The following ABAT variants were observed in gnomAD, a reference collection of about 807,000 sequenced individuals.
ABAT encodes 4-aminobutyrate aminotransferase, mitochondrial.
Under a neutral mutation model 64.6 loss-of-function variants are expected in ABAT, and 45 were observed. That is an observed-to-expected ratio of 0.70 (90% CI 0.55 to 0.89). ABAT has a LOEUF of 0.89. Among genes scored for constraint, ABAT ranks in the 40% least tolerant of loss-of-function variants. The probability of loss-of-function intolerance (pLI) is 0.00; values close to 1 mark genes in which losing one functional copy is unlikely to be tolerated. For synonymous variants in ABAT, 297 were observed against 250.5 expected, an observed-to-expected ratio of 1.19 and a Z score of -1.75; for missense variants, 633 against 658.4, an observed-to-expected ratio of 0.96 and a Z score of 0.42.
At chr16:8,746,235 C>T in intron 3 of ABAT, 137 bp downstream of exon 3, 1 of 742,486 alleles carries the variant, frequency 1.3e-6, no homozygotes, top group Non-Finnish European at 2.3e-6. Context: ...ATCTGAGATA[C>T]TCAATGAGGC....
intron 1 of ABAT, among the ~76,000 whole-genome samples, chr16:8,727,862 A>C (rs916866986): frequency 1.3e-5 from 2 of 152,176 alleles, no homozygotes; most frequent in African/African-American, 2.4e-5. Flanking sequence ...TGAGCTCAAG[A>C]GTTTGAGACC....
intron 1 of ABAT, among the ~76,000 whole-genome samples, chr16:8,676,189 G>A (rs1201626536): frequency 6.6e-6 from 1 of 152,152 alleles, no homozygotes; most frequent in East Asian, 1.9e-4. Flanking sequence ...AAAGAGGTTA[G>A]CCACGGGGAG....
At chr16:8,748,452 G>T (rs189892603) in intron 4 of ABAT, among the ~76,000 whole-genome samples, 1 of 152,038 alleles carries the variant, frequency 6.6e-6, no homozygotes, top group Non-Finnish European at 1.5e-5. Flanking sequence ...ATGGCCTAGC[G>T]TATGGTCTAG....
chr16:8,685,243 G>A lies in ABAT; in HGVS notation c.-42+10532G>A, dbSNP rs534240160. Among the ~76,000 whole-genome samples, 54 of 151,686 alleles carry A rather than the reference G, an allele frequency of 3.6e-4. 1 individual carries two copies. The South Asian group carries it at 0.011, about 31-fold the overall frequency. On this transcript the variant is annotated intron_variant, in intron 1 of 15. Transcript: ENST00000268251. ...GGAGGTTGCAGTGAGCCAGGATCAC[G>A]CCATTGCACTCCAGCTTGAGCAATG...
At chr16:8,702,846 C>G (rs1007296998) in intron 1 of ABAT, among the ~76,000 whole-genome samples, 2 of 152,008 alleles carry the variant, frequency 1.3e-5, no homozygotes, top group African/African-American at 2.4e-5. Flanking sequence ...GACCACAGCC[C>G]ATGAGAGGAG....
At chr16:8,754,179 TAAAAAAAAAAA>T (rs750745519) in intron 5 of ABAT, among the ~76,000 whole-genome samples, 11 of 63,822 alleles carry the variant, frequency 1.7e-4, no homozygotes, top group East Asian at 5.8e-4. Flanking sequence ...ACCCTGTCTA[TAAAAAAAAAAA>T]AAAAAAAAAA....
At chr16:8,699,807 C>G (rs1455346763) in intron 1 of ABAT, among the ~76,000 whole-genome samples, 1 of 151,644 alleles carries the variant, frequency 6.6e-6, no homozygotes, top group Non-Finnish European at 1.5e-5. Flanking sequence ...CTCTTCTCTT[C>G]TCTTCTCTCT....
At chr16:8,770,166 C>G (rs1433270162) in intron 11 of ABAT, among the ~76,000 whole-genome samples, 1 of 152,178 alleles carries the variant, frequency 6.6e-6, no homozygotes, top group East Asian at 1.9e-4. Flanking sequence ...GAGATGGAGT[C>G]TAGCTCTGTT....
intron 1 of ABAT, among the ~76,000 whole-genome samples, chr16:8,691,587 G>A (rs2057582873): frequency 6.6e-6 from 1 of 152,108 alleles, no homozygotes; most frequent in African/African-American, 2.4e-5. Flanking sequence ...TTACAGTCGT[G>A]CACCACCACA....
At chr16:8,695,070 A>C (rs576193963) in intron 1 of ABAT, among the ~76,000 whole-genome samples, 27 of 152,214 alleles carry the variant, frequency 1.8e-4, no homozygotes, top group Non-Finnish European at 3.8e-4. Flanking sequence ...CCTGGGGACA[A>C]GGGCATTTGA....
chr16:8,703,832 T>C (rs2057880845), intron 1 of ABAT, among the ~76,000 whole-genome samples: 1 of 152,230 alleles, frequency 6.6e-6, no homozygotes, highest in African/African-American at 2.4e-5. Flanking sequence ...ATGTGGGCCA[T>C]GTGGTTTCTC....
intron 1 of ABAT, among the ~76,000 whole-genome samples, chr16:8,675,791 C>A (rs2057185302): frequency 6.6e-6 from 1 of 152,192 alleles, no homozygotes; most frequent in Non-Finnish European, 1.5e-5. Context: ...AACACACGCA[C>A]AAAGGCTGTG....
intron 11 of ABAT, among the ~76,000 whole-genome samples, chr16:8,771,004 A>T (rs562105743): frequency 6.6e-6 from 1 of 152,306 alleles, no homozygotes; most frequent in African/African-American, 2.4e-5. Flanking sequence ...ATGCTCTAAA[A>T]ACAAAGAAAA....
At chr16:8,762,761 A>T (rs2059834247) in intron 6 of ABAT, among the ~76,000 whole-genome samples, 1 of 151,896 alleles carries the variant, frequency 6.6e-6, no homozygotes, top group Non-Finnish European at 1.5e-5. Flanking sequence ...TCATGATGTG[A>T]TTTCTTAGGA....
At chr16:8,773,658 T>C (rs1012920749) in intron 12 of ABAT, among the ~76,000 whole-genome samples, 2 of 152,222 alleles carry the variant, frequency 1.3e-5, no homozygotes, top group Non-Finnish European at 2.9e-5. Context: ...CTTATTCTTC[T>C]ATCTAACTGT....
intron 1 of ABAT, among the ~76,000 whole-genome samples, chr16:8,680,314 C>T (rs1349137493): frequency 6.6e-6 from 1 of 152,202 alleles, no homozygotes. Context: ...GCACACTTCC[C>T]TATGCACACA....
intron 1 of ABAT, among the ~76,000 whole-genome samples, chr16:8,710,994 T>A (rs2058058936): frequency 6.6e-6 from 1 of 152,250 alleles, no homozygotes; most frequent in African/African-American, 2.4e-5. Flanking sequence ...GAATGCAGGT[T>A]ATTCTGCATG....
rs1245423082 is a variant in ABAT at position 8,776,909 on chromosome 16, T to G, written c.1269+419T>G. Among the ~76,000 whole-genome samples the G allele has an allele frequency of 6.6e-6, 1 of 151,770 alleles. No homozygotes were observed. The highest frequency in any genetic ancestry group is 1.5e-5 in the Non-Finnish European group (1 of 67,976). On this transcript the variant is annotated intron_variant, in intron 14 of 15. Coordinates refer to ENST00000268251, the MANE Select transcript of ABAT (RefSeq NM_020686.6). The surrounding 1 kb of genome is among the most constrained non-coding windows in gnomAD (Gnocchi z 4.4). ...ATTTTATTTTATTTTATTTGTCTAT[T>G]TATTTTTTGAGACCAAGTCTTGCTT...
chr16:8,769,592 A>G (rs891567379), intron 11 of ABAT, among the ~76,000 whole-genome samples: 4 of 149,520 alleles, frequency 2.7e-5, no homozygotes, highest in South Asian at 2.1e-4. Flanking sequence ...GAGAGAGAGA[A>G]AGAAAGAATA....
Sources: allele counts gnomAD v4.1 joint callset (sites outside exome capture counted in the v4.1 genomes callset), GRCh38; gene constraint gnomAD v4.1.1; non-coding constraint Gnocchi (gnomAD v3.1); transcripts MANE v1.5; gene names NCBI Gene and HGNC (gene_info 2026-07-23, HGNC 2026-07-21).